The following IDS variants were observed in gnomAD, a reference collection of about 807,000 sequenced individuals.
The protein encoded by IDS is alpha-L-iduronate sulfate sulfatase.
In IDS, 1 loss-of-function variant was observed where a neutral mutation model predicts 33.5. That is an observed-to-expected ratio of 0.03 (90% CI 0.01 to 0.14). The LOEUF (loss-of-function observed/expected upper bound fraction) is 0.14. Ranked by LOEUF, IDS falls within the 10% of genes least tolerant of loss-of-function variation. The pLI, the probability that IDS is intolerant of heterozygous loss-of-function variation, is 1.00. For synonymous variants in IDS, 191 were observed against 184.4 expected, an observed-to-expected ratio of 1.04 and a Z score of -0.29; for missense variants, 328 against 448.0, an observed-to-expected ratio of 0.73 and a Z score of 2.42.
At chrX:149,498,917 A>T (rs1303411462) in intron 4 of IDS, among the ~76,000 whole-genome samples, 1 of 112,675 alleles carries the variant, frequency 8.9e-6, no homozygotes, top group Non-Finnish European at 1.9e-5. Flanking sequence ...ACCCAAAAAA[A>T]TTAAAAACAT....
At chrX:149,485,181 A>C (rs1557337928) in intron 8 of IDS, among the ~76,000 whole-genome samples, 1 of 112,394 alleles carries the variant, frequency 8.9e-6, no homozygotes, top group African/African-American at 3.2e-5. Context: ...ACTTTTACTC[A>C]GATCAAGAAG....
In IDS at chrX:149,482,422, A is replaced by G. The variant is rs2089300336; in HGVS notation, c.*324T>C. 1 of 254,676 alleles carries G rather than the reference A, an allele frequency of 3.9e-6. No individual in the cohort carries two copies. Among genetic ancestry groups the G allele is most frequent in the Non-Finnish European group, 6.9e-6 (1 of 144,042 alleles). The allele number at this position is 254,676 out of a possible 1,213,427, so 21.0% of individuals were successfully genotyped here. A position where few individuals can be genotyped will look rare whatever the true frequency, so the allele number is the denominator to read the frequency against. On this transcript the variant is annotated 3_prime_UTR_variant, in exon 9 of 9. Transcript: ENST00000340855. ...GTGTATAATGTTATGTTTGGTTATT[A>G]TGTATGGTCTTCGTATCCAAAGGTA... is the stretch of plus-strand genomic sequence containing the variant.
chrX:149,484,153 T>C (rs1300919720), intron 8 of IDS, among the ~76,000 whole-genome samples: 1 of 112,528 alleles, frequency 8.9e-6, no homozygotes, highest in Non-Finnish European at 1.9e-5. Context: ...TTCAGCTCTG[T>C]GGATATATAC....
intron 7 of IDS, among the ~76,000 whole-genome samples, chrX:149,488,887 T>A (rs2089364799): frequency 9.0e-6 from 1 of 111,140 alleles, no homozygotes; most frequent in African/African-American, 3.3e-5. Context: ...GATGAGGACG[T>A]GGCAACATAG....
chrX:149,483,694 G>A (rs782616201), intron 8 of IDS, among the ~76,000 whole-genome samples: 2 of 112,112 alleles, frequency 1.8e-5, no homozygotes, highest in South Asian at 7.4e-4. Context: ...TTAGTATACA[G>A]TTCAGTGGAA....
chrX:149,492,867 C>G (rs1159541304), intron 6 of IDS, among the ~76,000 whole-genome samples: 2 of 109,837 alleles, frequency 1.8e-5, no homozygotes, highest in East Asian at 5.8e-4. Context: ...GGGCATCAAG[C>G]AGACATGGGG....
At chrX:149,503,772 A>G (rs782639443) in intron 2 of IDS, among the ~76,000 whole-genome samples, 13 of 112,253 alleles carry the variant, frequency 1.2e-4, no homozygotes, top group African/African-American at 4.2e-4. Context: ...CTGGGGGCAG[A>G]GCCATGAGGG....
Position 149,480,291 on chromosome X carries a change from G to A in IDS, c.*2455C>T, listed in dbSNP as rs2089288772. 3.4e-6 allele frequency: 1 copy of A among 295,342 alleles called. No homozygotes were observed. The highest frequency in any genetic ancestry group is 6.2e-5 in the Admixed American group (1 of 16,158). 24.3% of individuals were successfully genotyped at this position (295,342 alleles called of 1,213,427 possible). A position where few individuals can be genotyped will look rare whatever the true frequency, so the allele number is the denominator to read the frequency against. On this transcript the variant is annotated 3_prime_UTR_variant, in exon 9 of 9. Coordinates refer to ENST00000340855, the MANE Select transcript of IDS (RefSeq NM_000202.8). ...GAGGGGTGGGTAAACTACTTGGAAA[G>A]AAAGGGAGAAGGACTGAGAAGATGG...
Position 149,500,959 on chromosome X carries a change from T to G in IDS, c.497A>C (p.Glu166Ala). ...CTTTCACAGCCTTACCTTAGTGTTTTCATACTTCTCAGAGGAAGGATGATA... is the reference window on the plus strand; with the variant it reads ...CTTTCACAGCCTTACCTTAGTGTTTGCATACTTCTCAGAGGAAGGATGATA... ...PPYHPSSEKY[E>A]NTKTCRGPDG... Residue 166 changes from glutamate (E) to alanine (A), a missense_variant, in exon 4 of 9, where the codon GAA becomes GCA. This residue lies in a region of IDS where 265 missense variants were observed against 339.2 expected (regional missense o/e 0.78). Coordinates refer to ENST00000340855, the MANE Select transcript of IDS (RefSeq NM_000202.8). 8.6e-7 allele frequency: 1 copy of G among 1,165,765 alleles called. No individual in the cohort carries two copies. The highest frequency in any genetic ancestry group is 1.2e-6 in the Non-Finnish European group (1 of 853,109).
chrX:149,494,111 C>T (rs1340186730), intron 6 of IDS, among the ~76,000 whole-genome samples: 1 of 111,483 alleles, frequency 9.0e-6, no homozygotes, highest in Non-Finnish European at 1.9e-5. Context: ...CTCCCTGCTT[C>T]GTGGGGGCAT....
chrX:149,487,820 T>G (rs1223890906), intron 7 of IDS, among the ~76,000 whole-genome samples: 1 of 101,499 alleles, frequency 9.9e-6, no homozygotes, highest in Non-Finnish European at 2.0e-5. Context: ...TGACAGAAAT[T>G]GTACAGTGAG....
In IDS at chrX:149,504,300, A is replaced by G. The variant is rs1557340431; in HGVS notation, c.104-7T>C. The G allele has an allele frequency of 2.5e-6, 3 of 1,203,031 alleles. No individual in the cohort carries two copies. The highest frequency in any genetic ancestry group is 3.0e-5 in the East Asian group (1 of 33,538). ...AGAAGAACGTTCAGAGCATCTACACAGGAGGGAGGGGCTTTGGTGAGGTAA... is the reference window on the plus strand; with the variant it reads ...AGAAGAACGTTCAGAGCATCTACACGGGAGGGAGGGGCTTTGGTGAGGTAA... On this transcript the variant is annotated splice_polypyrimidine_tract_variant and splice_region_variant and intron_variant, in intron 1 of 8. Coordinates refer to ENST00000340855, the MANE Select transcript of IDS (RefSeq NM_000202.8).
chrX:149,504,765 G>C (rs1296647916), intron 1 of IDS, among the ~76,000 whole-genome samples: 2 of 102,444 alleles, frequency 2.0e-5, no homozygotes, highest in Non-Finnish European at 4.0e-5. Flanking sequence ...GATGGATAGA[G>C]ATGGGAAAGA....
chrX:149,501,069 A>G (rs1296111796), intron 3 of IDS, 32 bp from the exon 4 acceptor site: 2 of 931,754 alleles, frequency 2.1e-6, no homozygotes, highest in Non-Finnish European at 3.1e-6. Flanking sequence ...TTAAAACATG[A>G]TGAGTCTTTC....
intron 8 of IDS, among the ~76,000 whole-genome samples, chrX:149,484,830 A>T (rs1557337878): frequency 1.8e-5 from 2 of 112,373 alleles, no homozygotes; most frequent in African/African-American, 6.5e-5. Context: ...CTAGACACTT[A>T]ATTTTTAAGT....
rs2089299691 is a variant in IDS at position 149,482,284 on chromosome X, G to A, written c.*462C>T. 1 of 124,431 alleles carries A rather than the reference G, an allele frequency of 8.0e-6. No homozygotes were observed. Among genetic ancestry groups the A allele is most frequent in the Admixed American group, 8.3e-5 (1 of 12,008 alleles). The allele number at this position is 124,431 out of a possible 1,213,427, so 10.3% of individuals were successfully genotyped here. ...TATTTTGAATATATAGGGCTCATAA[G>A]ATATATTATTAAATTATAAACAAAA... On this transcript the variant is annotated 3_prime_UTR_variant, in exon 9 of 9. Coordinates refer to ENST00000340855, the MANE Select transcript of IDS (RefSeq NM_000202.8).
intron 3 of IDS, among the ~76,000 whole-genome samples, chrX:149,501,708 G>A (rs2089481604): frequency 9.0e-6 from 1 of 111,432 alleles, no homozygotes; most frequent in African/African-American, 3.3e-5. Context: ...CTGAAGGGAA[G>A]TGCTGCCTAT....
intron 5 of IDS, among the ~76,000 whole-genome samples, chrX:149,496,788 G>A (rs1672590917): frequency 8.9e-6 from 1 of 112,131 alleles, no homozygotes; most frequent in African/African-American, 3.2e-5. Context: ...ACGCCCTTCT[G>A]TTCCTGTCCC....
At position 149,503,187 on chromosome X, in the gene IDS, T is replaced by C. The variant is rs1557340187; in HGVS notation, c.418+125A>G. 3 of 1,167,929 alleles carry C rather than the reference T, an allele frequency of 2.6e-6. No individual in the cohort carries two copies. The African/African-American group carries it at 5.4e-5, about 21-fold the overall frequency. On this transcript the variant is annotated intron_variant, in intron 3 of 8. Coordinates refer to ENST00000340855, the MANE Select transcript of IDS (RefSeq NM_000202.8). ...AGTCAGTTTTTTAGAAAGGAAGCAC[T>C]GACTAGCGAGGGACTCGCCCAGCCA...
Sources: allele counts gnomAD v4.1 joint callset (sites outside exome capture counted in the v4.1 genomes callset), GRCh38; gene constraint gnomAD v4.1.1; regional missense constraint gnomAD v4.1.1; transcripts MANE v1.5; gene names NCBI Gene and HGNC (gene_info 2026-07-23, HGNC 2026-07-21).